The following COG5 variants were observed in gnomAD, a reference collection of about 807,000 sequenced individuals.
COG5 encodes conserved oligomeric Golgi complex subunit 5.
A neutral mutation model predicts 110.4 loss-of-function variants in COG5; 86 were observed. The ratio of observed to expected loss-of-function variants is 0.78; its 90% CI spans 0.65 to 0.93. COG5 has a LOEUF of 0.93. Among genes scored for constraint, COG5 ranks in the 40% least tolerant of loss-of-function variants. COG5 has a pLI of 0.00. For synonymous variants in COG5, 360 were observed against 334.6 expected (o/e 1.08, Z -0.83); for missense variants, 1,077 against 987.0 (o/e 1.09, Z -1.22).
At chr7:107,410,211 G>C (rs1380100457) in intron 7 of COG5, among the ~76,000 whole-genome samples, 2 of 152,114 alleles carry the variant, frequency 1.3e-5, no homozygotes, top group African/African-American at 2.4e-5. Context: ...AGAAATTCTG[G>C]GTGTTGGGCT....
rs1323733187 is a variant in COG5 at position 107,475,412 on chromosome 7, A to C, written c.538+51825T>G. On this transcript the variant is annotated intron_variant, in intron 6 of 21. Coordinates refer to ENST00000297135, the MANE Select transcript of COG5 (RefSeq NM_006348.5). ...CCACATTCAAATGAGTTTTAAATTT[A>C]AATTGTAAAAACTGATATTACTGCC... 4.6e-6 allele frequency: 4 copies of C among 876,352 alleles called. No homozygotes were observed. The African/African-American group carries it at 6.8e-5, about 15-fold the overall frequency. 54.3% of individuals were successfully genotyped at this position (876,352 alleles called of 1,614,324 possible). A position where few individuals can be genotyped will look rare whatever the true frequency, so the allele number is the denominator to read the frequency against.
rs370588173 is a variant in COG5, at chr7:107,462,611, T to TAAAA, written c.539-49983_539-49980dup. Reference sequence around the variant, plus strand: ...TTAGAACTAGGAGAAGAAAAATGCCTAAAAAAAAAAAAAAAAAAACTTTAG... The same window carrying TAAAA: ...TTAGAACTAGGAGAAGAAAAATGCCTAAAAAAAAAAAAAAAAAAAAAAACTTTAG... On this transcript the variant is annotated intron_variant, in intron 6 of 21. Coordinates refer to ENST00000297135, the MANE Select transcript of COG5 (RefSeq NM_006348.5). 1.8e-4 allele frequency among the ~76,000 whole-genome samples: 20 copies of TAAAA among 112,090 alleles called. 1 individual carries two copies. The highest frequency in any genetic ancestry group is 2.1e-4 in the Non-Finnish European group (11 of 52,476). 73.5% of individuals were successfully genotyped at this position (112,090 alleles called of 152,430 possible). A position where few individuals can be genotyped will look rare whatever the true frequency, so the allele number is the denominator to read the frequency against.
At chr7:107,232,277 C>T (rs1800832424) in intron 18 of COG5, among the ~76,000 whole-genome samples, 1 of 152,174 alleles carries the variant, frequency 6.6e-6, no homozygotes, top group East Asian at 1.9e-4. Context: ...TCTTTGGAAC[C>T]TGTTTCATTT....
intron 14 of COG5, among the ~76,000 whole-genome samples, chr7:107,273,695 A>C (rs1463334951): frequency 6.6e-6 from 1 of 151,872 alleles, no homozygotes; most frequent in Non-Finnish European, 1.5e-5. Context: ...TGCTCAATTG[A>C]ATTCAAGATT....
intron 10 of COG5, among the ~76,000 whole-genome samples, chr7:107,335,016 C>T (rs916060154): frequency 2.0e-5 from 3 of 152,018 alleles, no homozygotes; most frequent in Admixed American, 6.6e-5. Flanking sequence ...ATAGGCAACA[C>T]AAAAATATGT....
chr7:107,277,748 TAAAAA>T (rs1275732114), intron 14 of COG5, among the ~76,000 whole-genome samples: 1 of 152,104 alleles, frequency 6.6e-6, no homozygotes, highest in Non-Finnish European at 1.5e-5. Flanking sequence ...ACCTCACTCT[TAAAAA>T]TAAATTCTCT....
intron 19 of COG5, 150 bp downstream of exon 19, chr7:107,230,465 A>AG: frequency 2.8e-6 from 2 of 718,848 alleles, no homozygotes; most frequent in Non-Finnish European, 5.1e-6. Context: ...TGGGTTTCTG[A>AG]TTTGAATACT....
chr7:107,249,689 ATTGTGT>A (rs1175840652), intron 16 of COG5, among the ~76,000 whole-genome samples: 1 of 99,758 alleles, frequency 1.0e-5, no homozygotes, highest in Non-Finnish European at 2.0e-5. Flanking sequence ...AACGTACAGG[ATTGTGT>A]GTGTGTGTGT....
At chr7:107,432,055 C>T (rs899482410) in intron 6 of COG5, among the ~76,000 whole-genome samples, 2 of 152,068 alleles carry the variant, frequency 1.3e-5, no homozygotes, top group Non-Finnish European at 2.9e-5. Flanking sequence ...TGTGCATGAA[C>T]ATTTTATTGT....
intron 7 of COG5, among the ~76,000 whole-genome samples, chr7:107,381,280 G>A (rs992918175): frequency 6.6e-6 from 1 of 152,164 alleles, no homozygotes; most frequent in Non-Finnish European, 1.5e-5. Flanking sequence ...TTTTCAGATA[G>A]TGCAGAGGGT....
intron 17 of COG5, among the ~76,000 whole-genome samples, chr7:107,238,931 T>C (rs1483727247): frequency 6.6e-6 from 1 of 152,224 alleles, no homozygotes; most frequent in Non-Finnish European, 1.5e-5. Context: ...TTTTCCCCAA[T>C]CCATAGGTTG....
intron 6 of COG5, among the ~76,000 whole-genome samples, chr7:107,492,325 T>C (rs1798024089): frequency 6.6e-6 from 1 of 152,116 alleles, no homozygotes; most frequent in African/African-American, 2.4e-5. Context: ...AAATGCTGCA[T>C]GTATTAGTTT....
intron 5 of COG5, among the ~76,000 whole-genome samples, chr7:107,538,075 A>C (rs1801719434): frequency 6.6e-6 from 1 of 152,198 alleles, no homozygotes; most frequent in Non-Finnish European, 1.5e-5. Context: ...GAACAGGTGA[A>C]TGCCAGCAGC....
intron 17 of COG5, 51 bp from the exon 18 acceptor site, chr7:107,236,738 C>T (rs1053225493): frequency 2.5e-6 from 3 of 1,205,890 alleles, no homozygotes; most frequent in Non-Finnish European, 3.7e-6. Flanking sequence ...AAATCACACT[C>T]TTTGATTTTG....
intron 11 of COG5, among the ~76,000 whole-genome samples, chr7:107,312,416 T>C (rs759154659): frequency 2.0e-5 from 3 of 152,086 alleles, no homozygotes; most frequent in Non-Finnish European, 2.9e-5. Context: ...TATAATGCAG[T>C]GGGCTAAGTG....
chr7:107,240,693 T>C (rs1469876646), intron 17 of COG5, among the ~76,000 whole-genome samples: 6 of 152,202 alleles, frequency 3.9e-5, no homozygotes, highest in African/African-American at 1.4e-4. Context: ...AAAGGCAATT[T>C]CTGCTTCTTG....
chr7:107,236,382 A>G lies in COG5; in HGVS notation c.2091+68T>C, dbSNP rs1438663036. On this transcript the variant is annotated intron_variant, in intron 18 of 21. Transcript: ENST00000297135. ...TCTTTAAAAACACCGATGAAAACAC[A>G]TTCTTTCATTTAATAGATGATATTG... The G allele has an allele frequency of 5.3e-6, 6 of 1,130,140 alleles. No homozygotes were observed. The East Asian group carries it at 1.2e-4, about 22-fold the overall frequency. 70.0% of individuals were successfully genotyped at this position (1,130,140 alleles called of 1,614,324 possible). A position where few individuals can be genotyped will look rare whatever the true frequency, so the allele number is the denominator to read the frequency against.
At chr7:107,214,080 C>G (rs976029280) in intron 19 of COG5, among the ~76,000 whole-genome samples, 1 of 151,886 alleles carries the variant, frequency 6.6e-6, no homozygotes, top group Non-Finnish European at 1.5e-5. Context: ...GAAACTATAA[C>G]AAAAACCAAA....
chr7:107,431,229 A>C (rs77013162), intron 6 of COG5, among the ~76,000 whole-genome samples: 24,590 of 152,242 alleles, frequency 0.16, 2,441 homozygotes, highest in Non-Finnish European at 0.22. Flanking sequence ...AATACATCCT[A>C]AGTGTGTTTG....
Sources: allele counts gnomAD v4.1 joint callset (sites outside exome capture counted in the v4.1 genomes callset), GRCh38; gene constraint gnomAD v4.1.1; transcripts MANE v1.5; gene names NCBI Gene and HGNC (gene_info 2026-07-23, HGNC 2026-07-21).